Variants in TBC1D32 observed in about 807,000 individuals in gnomAD.
The protein encoded by TBC1D32 is protein broad-minded.
A neutral mutation model predicts 170.3 loss-of-function variants in TBC1D32; 151 were observed. That is an observed-to-expected ratio of 0.89 (90% CI 0.78 to 1.01). TBC1D32 has a LOEUF of 1.01. Ranked by LOEUF, TBC1D32 falls within the 50% of genes least tolerant of loss-of-function variation. TBC1D32 has a pLI of 0.00. For synonymous variants in TBC1D32, 498 were observed against 488.0 expected (o/e 1.02, Z -0.27); for missense variants, 1,464 against 1,457.1 (o/e 1.00, Z -0.08).
At chr6:121,154,420 G>C (rs1360532561) in intron 24 of TBC1D32, among the ~76,000 whole-genome samples, 11 of 152,168 alleles carry the variant, frequency 7.2e-5, no homozygotes, top group Non-Finnish European at 1.6e-4. Flanking sequence ...TCTGAGGACT[G>C]GAGCTGTTCC....
chr6:121,117,391 TA>T (rs1162028427), intron 26 of TBC1D32, among the ~76,000 whole-genome samples: 1 of 152,066 alleles, frequency 6.6e-6, no homozygotes, highest in East Asian at 1.9e-4. Context: ...GAAAATGGGT[TA>T]GGGGCATATA....
At chr6:121,262,479 CTTTT>C in intron 15 of TBC1D32, among the ~76,000 whole-genome samples, 1 of 143,424 alleles carries the variant, frequency 7.0e-6, no homozygotes, top group African/African-American at 2.6e-5. Context: ...ATATTAAATA[CTTTT>C]TTTTTTTTTT....
intron 22 of TBC1D32, among the ~76,000 whole-genome samples, chr6:121,185,466 T>C (rs960613357): frequency 2.6e-5 from 4 of 152,112 alleles, no homozygotes; most frequent in East Asian, 1.9e-4. Flanking sequence ...CAATGCCAGA[T>C]TGGTTGCCAA....
chr6:121,303,499 G>A (rs1384643226), intron 9 of TBC1D32, 118 bp downstream of exon 9: 3 of 825,340 alleles, frequency 3.6e-6, no homozygotes, highest in Non-Finnish European at 4.9e-6. Flanking sequence ...AGAAATAAAT[G>A]AGCTAACACA....
intron 3 of TBC1D32, among the ~76,000 whole-genome samples, chr6:121,312,808 T>A (rs982973157): frequency 2.6e-5 from 4 of 152,202 alleles, no homozygotes; most frequent in African/African-American, 7.2e-5. Flanking sequence ...CCCACTTGCA[T>A]GTAGACACAG....
intron 31 of TBC1D32, among the ~76,000 whole-genome samples, chr6:121,089,289 GACAGACAAAA>G (rs1253643101): frequency 1.3e-5 from 2 of 152,038 alleles, no homozygotes; most frequent in African/African-American, 4.8e-5. Flanking sequence ...TACCAGAGAA[GACAGACAAAA>G]ACACATATAA....
At chr6:121,088,113 G>C (rs1340686267) in intron 31 of TBC1D32, among the ~76,000 whole-genome samples, 8 of 151,866 alleles carry the variant, frequency 5.3e-5, no homozygotes, top group Non-Finnish European at 8.8e-5. Flanking sequence ...ACCACACCTA[G>C]CTAATTTTTG....
chr6:121,241,683 A>T, intron 18 of TBC1D32, 131 bp from the exon 19 acceptor site: 3 of 783,508 alleles, frequency 3.8e-6, no homozygotes, highest in Non-Finnish European at 4.1e-6. Flanking sequence ...CTAAGATCTT[A>T]AAAAGCCCAA....
intron 1 of TBC1D32, among the ~76,000 whole-genome samples, chr6:121,330,885 C>A (rs1174152675): frequency 2.0e-5 from 3 of 152,182 alleles, no homozygotes; most frequent in Admixed American, 2.0e-4. Context: ...TTCTCTCTCT[C>A]CCCTCCCACC....
intron 22 of TBC1D32, among the ~76,000 whole-genome samples, chr6:121,195,760 C>A (rs147495300): frequency 1.3e-5 from 2 of 152,136 alleles, no homozygotes; most frequent in Non-Finnish European, 1.5e-5. Flanking sequence ...TGGTTCTGCA[C>A]GATATGCAGG....
At chr6:121,197,933 G>A (rs7773937) in intron 22 of TBC1D32, among the ~76,000 whole-genome samples, 2,084 of 152,108 alleles carry the variant, frequency 0.014, 41 homozygotes, top group African/African-American at 0.046. Flanking sequence ...TCAGCTGCTA[G>A]AGAATATAAA....
At position 121,303,623 on chromosome 6, in the gene TBC1D32, C is replaced by A; in HGVS notation, c.1074G>T (p.Lys358Asn). Reference protein sequence around the residue: ...LVDTKAVWFKKWMHAHYSRTT... With the variant: ...LVDTKAVWFKNWMHAHYSRTT... The stretch of plus-strand genomic sequence containing the variant: ...ATATTCTATTTTTCCTTACCATCCA[C>A]TTTTTGAACCACACAGCCTTGGTAT... Residue 358 changes from lysine to asparagine, a missense_variant, in exon 9 of 32, where the codon AAG (lysine) becomes AAT (asparagine). Lys to Asn is a moderately conservative substitution (Grantham distance 94). Around this residue, in one of 3 missense-constraint regions of TBC1D32, gnomAD observed 1,363 missense variants for 1,338.1 expected, o/e 1.02. Coordinates refer to ENST00000398212, the MANE Select transcript of TBC1D32 (RefSeq NM_152730.6). 1 of 1,546,076 alleles carries A rather than the reference C, an allele frequency of 6.5e-7. No individual in the cohort carries two copies. The highest frequency in any genetic ancestry group is 8.8e-7 in the Non-Finnish European group (1 of 1,138,788).
At chr6:121,102,406 A>T (rs1778217078) in intron 30 of TBC1D32, among the ~76,000 whole-genome samples, 1 of 152,122 alleles carries the variant, frequency 6.6e-6, no homozygotes, top group African/African-American at 2.4e-5. Context: ...GACCAATGGA[A>T]CAGAACACAG....
chr6:121,226,616 T>C (rs1795102019), intron 20 of TBC1D32, among the ~76,000 whole-genome samples: 1 of 152,100 alleles, frequency 6.6e-6, no homozygotes, highest in Non-Finnish European at 1.5e-5. Flanking sequence ...AGAACACAGA[T>C]GTATTAAAAA....
intron 20 of TBC1D32, among the ~76,000 whole-genome samples, chr6:121,227,382 C>T (rs1795205208): frequency 6.6e-6 from 1 of 151,960 alleles, no homozygotes; most frequent in Non-Finnish European, 1.5e-5. Context: ...ATTATACTTA[C>T]ATAATATAAT....
At chr6:121,227,199 T>C (rs1404376359) in intron 20 of TBC1D32, among the ~76,000 whole-genome samples, 1 of 152,168 alleles carries the variant, frequency 6.6e-6, no homozygotes, top group African/African-American at 2.4e-5. Context: ...TCTGCTATGA[T>C]GTAAACCACT....
At chr6:121,288,319 A>G (rs1804232641) in intron 12 of TBC1D32, among the ~76,000 whole-genome samples, 1 of 152,198 alleles carries the variant, frequency 6.6e-6, no homozygotes, top group South Asian at 2.1e-4. Context: ...GATAAAGGGG[A>G]TATCAACACC....
At chr6:121,189,165 A>C (rs1395108521) in intron 22 of TBC1D32, among the ~76,000 whole-genome samples, 1 of 152,178 alleles carries the variant, frequency 6.6e-6, no homozygotes, top group Non-Finnish European at 1.5e-5. Context: ...TAAAAACCTG[A>C]AATAAAATTC....
At chr6:121,084,472 A>T (rs1206490733) in intron 31 of TBC1D32, among the ~76,000 whole-genome samples, 2 of 152,082 alleles carry the variant, frequency 1.3e-5, no homozygotes, top group Non-Finnish European at 2.9e-5. Flanking sequence ...CAGACATATG[A>T]TGTTAGGCAT....
Sources: allele counts gnomAD v4.1 joint callset (sites outside exome capture counted in the v4.1 genomes callset), GRCh38; gene constraint gnomAD v4.1.1; regional missense constraint gnomAD v4.1.1; transcripts MANE v1.5; gene names NCBI Gene and HGNC (gene_info 2026-07-23, HGNC 2026-07-21).